The following DCUN1D4 variants were observed in gnomAD, a reference collection of about 807,000 sequenced individuals.
The protein encoded by DCUN1D4 is DCN1-like protein 4.
In DCUN1D4, 22 loss-of-function variants were observed where a neutral mutation model predicts 47.9. The observed-to-expected ratio is 0.46, with a 90% CI of 0.33 to 0.66. The LOEUF (loss-of-function observed/expected upper bound fraction) is 0.66. Among genes scored for constraint, DCUN1D4 ranks in the 30% least tolerant of loss-of-function variants. The pLI, the probability that DCUN1D4 is intolerant of heterozygous loss-of-function variation, is 0.02. For missense variants in DCUN1D4, 301 were observed against 340.8 expected (o/e 0.88, Z 0.92); for synonymous variants, 121 against 112.2 (o/e 1.08, Z -0.50).
intron 6 of DCUN1D4, among the ~76,000 whole-genome samples, chr4:51,887,927 A>G (rs1346923742): frequency 1.6e-5 from 2 of 127,684 alleles, no homozygotes; most frequent in African/African-American, 6.0e-5. Context: ...TTTTAAATGT[A>G]TTCCAGTTCA....
Position 51,861,821 on chromosome 4 carries a change from AG to A in DCUN1D4, c.26-1614del, listed in dbSNP as rs373218504. ...TATGGCTTGGTAGTGGATGGGGTGGAGGTGCAAGAGTTGAATGTTCAAGCTC... is the reference window on the plus strand; with the variant it reads ...TATGGCTTGGTAGTGGATGGGGTGGAGTGCAAGAGTTGAATGTTCAAGCTC... On this transcript the variant is annotated intron_variant, in intron 1 of 10. Coordinates refer to ENST00000334635, the MANE Select transcript of DCUN1D4 (RefSeq NM_001040402.3). Among the ~76,000 whole-genome samples the A allele has an allele frequency of 6.1e-3, 933 of 152,246 alleles. 7 individuals are homozygous for A. The highest frequency in any genetic ancestry group is 0.021 in the African/African-American group (879 of 41,556).
chr4:51,843,352 C>T (rs1018923384), intron 1 of DCUN1D4, 85 bp downstream of exon 1: 2 of 1,432,178 alleles, frequency 1.4e-6, no homozygotes, highest in Non-Finnish European at 1.8e-6. Flanking sequence ...CGCCCCACGC[C>T]TCGGGTCCCG....
At chr4:51,849,406 T>A (rs1723032227) in intron 1 of DCUN1D4, among the ~76,000 whole-genome samples, 3 of 152,224 alleles carry the variant, frequency 2.0e-5, no homozygotes, top group African/African-American at 7.2e-5. Flanking sequence ...CCCCTTTTTT[T>A]AAATCACTTT....
chr4:51,834,079 TCTCTCTC>T, the DCUN1D4 span, among the ~76,000 whole-genome samples: 13 of 127,586 alleles, frequency 1.0e-4, no homozygotes, highest in Non-Finnish European at 1.4e-4. Flanking sequence ...TCTCTCTCTC[TCTCTCTC>T]TTTTCTTTTC....
At chr4:51,885,790 G>C (rs1350381527) in intron 5 of DCUN1D4, among the ~76,000 whole-genome samples, 1 of 152,098 alleles carries the variant, frequency 6.6e-6, no homozygotes, top group African/African-American at 2.4e-5. Context: ...AGCCAGAAGG[G>C]GAGAGGAAGG....
Position 51,863,687 on chromosome 4 carries a change from T to C in DCUN1D4, c.114T>C (p.Ile38=). ...TCTTTCAGAACCTAACAGAAGACATTGGCCAAGACGATCACCAAACAGGTA... is the reference window on the plus strand; with the variant it reads ...TCTTTCAGAACCTAACAGAAGACATCGGCCAAGACGATCACCAAACAGGTA... ...TLNKLNLTED[I]GQDDHQTGSL... The change falls in exon 3 of 11, where the codon ATT becomes ATC. Residue 38 remains isoleucine, a synonymous_variant. Transcript: ENST00000334635. 3 of 1,613,542 alleles carry C rather than the reference T, an allele frequency of 1.9e-6. No homozygotes were observed. The highest frequency in any genetic ancestry group is 2.5e-6 in the Non-Finnish European group (3 of 1,179,844).
chr4:51,836,523 C>T, the DCUN1D4 span, among the ~76,000 whole-genome samples: 1 of 152,190 alleles, frequency 6.6e-6, no homozygotes, highest in African/African-American at 2.4e-5. Context: ...TGCTTTCCTC[C>T]CACCAACATA....
chr4:51,892,735 A>C (rs922085608), intron 7 of DCUN1D4, among the ~76,000 whole-genome samples: 1 of 152,182 alleles, frequency 6.6e-6, no homozygotes, highest in Non-Finnish European at 1.5e-5. Flanking sequence ...TTGTCATTCT[A>C]TATTAGGCCT....
chr4:51,877,618 G>A lies in DCUN1D4; in HGVS notation c.252-145G>A, dbSNP rs190762026. The A allele has an allele frequency of 2.7e-3, 1,508 of 554,536 alleles. 10 individuals carry two copies. Among genetic ancestry groups the A allele is most frequent in the South Asian group, 8.8e-3 (392 of 44,448 alleles). The allele number at this position is 554,536 out of a possible 1,614,324, so 34.4% of individuals were successfully genotyped here. ...ACACTGTAGTTAAAAGCTGAAGCCT[G>A]CAAATGCAGGAAATAAAACGTTTAA... is the stretch of plus-strand genomic sequence containing the variant. On this transcript the variant is annotated intron_variant, in intron 4 of 10. Coordinates refer to ENST00000334635, the MANE Select transcript of DCUN1D4 (RefSeq NM_001040402.3).
rs940750144 is a variant in DCUN1D4, at chr4:51,915,250, G to A, written c.*1666G>A. ...TTTTGTATGTATATACAGTGTGTGTGTATACAAAATCATGATATAGTAGAA... is the reference window on the plus strand; with the variant it reads ...TTTTGTATGTATATACAGTGTGTGTATATACAAAATCATGATATAGTAGAA... On this transcript the variant is annotated 3_prime_UTR_variant, in exon 11 of 11. Coordinates refer to ENST00000334635, the MANE Select transcript of DCUN1D4 (RefSeq NM_001040402.3). The A allele has an allele frequency of 6.6e-6, 1 of 152,472 alleles. No homozygotes were observed. The highest frequency in any genetic ancestry group is 2.1e-4 in the South Asian group (1 of 4,828). 9.4% of individuals were successfully genotyped at this position (152,472 alleles called of 1,614,324 possible).
At chr4:51,873,097 C>G (rs1009507904) in intron 3 of DCUN1D4, among the ~76,000 whole-genome samples, 2 of 152,306 alleles carry the variant, frequency 1.3e-5, no homozygotes, top group South Asian at 2.1e-4. Flanking sequence ...AGAACTGGAA[C>G]TCACTCATTG....
intron 3 of DCUN1D4, 136 bp from the exon 4 acceptor site, chr4:51,874,135 C>T (rs940795188): frequency 2.1e-6 from 1 of 472,354 alleles, no homozygotes; most frequent in Non-Finnish European, 3.6e-6. Context: ...GAACTAAAAA[C>T]CCATCTTTTC....
chr4:51,910,241 G>A (rs1165012753), intron 8 of DCUN1D4, among the ~76,000 whole-genome samples: 1 of 152,120 alleles, frequency 6.6e-6, no homozygotes, highest in Non-Finnish European at 1.5e-5. Flanking sequence ...ACCGCTTGTA[G>A]TTCTGGAATG....
intron 5 of DCUN1D4, among the ~76,000 whole-genome samples, chr4:51,886,080 G>A (rs7658794): frequency 0.41 from 62,733 of 152,068 alleles, 15,551 homozygotes; most frequent in African/African-American, 0.69. Flanking sequence ...GGAAGAATCA[G>A]AGCTAATGCT....
intron 1 of DCUN1D4, among the ~76,000 whole-genome samples, chr4:51,855,480 A>G (rs1377629216): frequency 6.6e-6 from 1 of 152,220 alleles, no homozygotes; most frequent in Non-Finnish European, 1.5e-5. Flanking sequence ...AAGAAGTTAG[A>G]TGAGACATCT....
rs559714735 is a variant in DCUN1D4 at position 51,863,754 on chromosome 4, A to G, written c.136+45A>G. Reference sequence around the variant, plus strand: ...CTACTTAATTTTAAATAGCTTCTTAATATTAGGAAAGAGAAATACTAGCTA... The same window carrying G: ...CTACTTAATTTTAAATAGCTTCTTAGTATTAGGAAAGAGAAATACTAGCTA... On this transcript the variant is annotated intron_variant, in intron 3 of 10. Transcript: ENST00000334635. 5 of 1,563,696 alleles carry G rather than the reference A, an allele frequency of 3.2e-6. No homozygotes were observed. In the Admixed American group the frequency reaches 7.1e-5, roughly 22 times the overall value.
chr4:51,849,070 A>G (rs1306184166), intron 1 of DCUN1D4, among the ~76,000 whole-genome samples: 1 of 152,126 alleles, frequency 6.6e-6, no homozygotes, highest in African/African-American at 2.4e-5. Flanking sequence ...AACATATGTC[A>G]TCTTAGGCCT....
At chr4:51,846,673 T>C (rs990553696) in intron 1 of DCUN1D4, among the ~76,000 whole-genome samples, 3 of 152,214 alleles carry the variant, frequency 2.0e-5, no homozygotes, top group African/African-American at 7.2e-5. Flanking sequence ...TTGTATCAGT[T>C]AGGATGCCTT....
In DCUN1D4 at chr4:51,848,227, C is replaced by T. The variant is rs755065235; in HGVS notation, c.25+4960C>T. 34 of 1,288,940 alleles carry T rather than the reference C, an allele frequency of 2.6e-5. 1 individual carries two copies. Among genetic ancestry groups the T allele is most frequent in the South Asian group, 2.5e-4 (20 of 80,988 alleles). 79.8% of individuals were successfully genotyped at this position (1,288,940 alleles called of 1,614,324 possible). ...CAGATATCAGTTTTAGAGAATGTGG[C>T]GTGGAGAAATTCTCAAGGAAAGAGT... On this transcript the variant is annotated intron_variant, in intron 1 of 10. Transcript: ENST00000334635.
Sources: allele counts gnomAD v4.1 joint callset (sites outside exome capture counted in the v4.1 genomes callset), GRCh38; gene constraint gnomAD v4.1.1; transcripts MANE v1.5; gene names NCBI Gene and HGNC (gene_info 2026-07-23, HGNC 2026-07-21).